Variants in CAMK1D observed in about 807,000 individuals in gnomAD.
The protein encoded by CAMK1D is calcium/calmodulin dependent protein kinase ID.
A neutral mutation model predicts 47.7 loss-of-function variants in CAMK1D; 9 were observed. The ratio of observed to expected loss-of-function variants is 0.19; its 90% CI spans 0.11 to 0.33. CAMK1D has a LOEUF of 0.33. CAMK1D is among the 10% of genes least tolerant of loss of function. CAMK1D has a pLI of 1.00. For synonymous variants in CAMK1D, 184 were observed against 184.9 expected (o/e 0.99, Z 0.04); for missense variants, 291 against 488.7 (o/e 0.60, Z 3.81).
intron 1 of CAMK1D, among the ~76,000 whole-genome samples, chr10:12,398,777 A>G (rs996463111): frequency 6.6e-6 from 1 of 150,710 alleles, no homozygotes; most frequent in Admixed American, 6.7e-5. Flanking sequence ...ATAAAAATCC[A>G]TAGAGTTTTT....
chr10:12,562,514 C>T (rs1332365335), intron 2 of CAMK1D, among the ~76,000 whole-genome samples: 1 of 152,192 alleles, frequency 6.6e-6, no homozygotes, highest in African/African-American at 2.4e-5. Flanking sequence ...AAAAAGTCCC[C>T]TGCTTAATAG....
In CAMK1D at chr10:12,734,434, ACACACACACATATGTG is replaced by A. The variant is rs1370405711; in HGVS notation, c.300-26513_300-26498del. Among the ~76,000 whole-genome samples, 10 of 35,456 alleles carry A rather than the reference ACACACACACATATGTG, an allele frequency of 2.8e-4. 1 individual carries two copies. The highest frequency in any genetic ancestry group is 0.01 in the Middle Eastern group (1 of 96). 23.3% of individuals were successfully genotyped at this position (35,456 alleles called of 152,430 possible). A position where few individuals can be genotyped will look rare whatever the true frequency, so the allele number is the denominator to read the frequency against. On this transcript the variant is annotated intron_variant, in intron 3 of 10. Coordinates refer to ENST00000619168, the MANE Select transcript of CAMK1D (RefSeq NM_153498.4). ...CACACACACACATGTATATATATATACACACACACATATGTGTATATATACACATACACATATGTGT... is the reference window on the plus strand; with the variant it reads ...CACACACACACATGTATATATATATATATATATACACATACACATATGTGT...
chr10:12,592,914 C>T (rs1456641389), intron 2 of CAMK1D, among the ~76,000 whole-genome samples: 1 of 152,190 alleles, frequency 6.6e-6, no homozygotes. Flanking sequence ...TCCTTTCTGC[C>T]TGGCTCCCTC....
chr10:12,563,559 T>A (rs1837013016), intron 2 of CAMK1D, among the ~76,000 whole-genome samples: 1 of 152,116 alleles, frequency 6.6e-6, no homozygotes. Context: ...TGTCTGGGCA[T>A]CCTTTAGGCC....
intron 1 of CAMK1D, among the ~76,000 whole-genome samples, chr10:12,524,800 A>G (rs1835565215): frequency 6.6e-6 from 1 of 152,172 alleles, no homozygotes; most frequent in Admixed American, 6.5e-5. Flanking sequence ...ATTTATCCAG[A>G]TATTTATCAT....
At chr10:12,447,093 G>C (rs1832945679) in intron 1 of CAMK1D, among the ~76,000 whole-genome samples, 1 of 151,852 alleles carries the variant, frequency 6.6e-6, no homozygotes, top group Non-Finnish European at 1.5e-5. Context: ...TTTCCACTGT[G>C]TCTCTCTCTC....
chr10:12,805,882 C>T (rs1052962926), intron 6 of CAMK1D, among the ~76,000 whole-genome samples: 2 of 152,212 alleles, frequency 1.3e-5, no homozygotes, highest in African/African-American at 4.8e-5. Context: ...AATGAGGCAT[C>T]ACCACCCTTG....
intron 1 of CAMK1D, among the ~76,000 whole-genome samples, chr10:12,392,745 G>C (rs775743647): frequency 6.6e-6 from 1 of 151,968 alleles, no homozygotes; most frequent in Non-Finnish European, 1.5e-5. Flanking sequence ...TAGATCTCTC[G>C]AACTTTTTCC....
chr10:12,819,233 A>G (rs998857520), intron 8 of CAMK1D, among the ~76,000 whole-genome samples: 1 of 152,220 alleles, frequency 6.6e-6, no homozygotes, highest in Non-Finnish European at 1.5e-5. Context: ...GTGCCACACC[A>G]TGAGAAGGCT....
intron 3 of CAMK1D, among the ~76,000 whole-genome samples, chr10:12,714,890 T>C (rs1406740467): frequency 6.6e-6 from 1 of 152,012 alleles, no homozygotes; most frequent in Non-Finnish European, 1.5e-5. Flanking sequence ...TATGTGATGT[T>C]TACTCGCATA....
rs529809575 is a variant in CAMK1D at position 12,416,669 on chromosome 10, C to T, written c.92+66759C>T. On this transcript the variant is annotated intron_variant, in intron 1 of 10. Coordinates refer to ENST00000619168, the MANE Select transcript of CAMK1D (RefSeq NM_153498.4). Reference sequence around the variant, plus strand: ...GTAAGGCCGGGGTCTTGCTGAGCACCGGAGGGAGGGCTCTGACTAGCACTG... The same window carrying T: ...GTAAGGCCGGGGTCTTGCTGAGCACTGGAGGGAGGGCTCTGACTAGCACTG... Among the ~76,000 whole-genome samples, 13 of 152,268 alleles carry T rather than the reference C, an allele frequency of 8.5e-5. 1 individual carries two copies. Among genetic ancestry groups the T allele is most frequent in the South Asian group, 4.1e-4 (2 of 4,820 alleles).
At chr10:12,494,062 G>C (rs1834465575) in intron 1 of CAMK1D, among the ~76,000 whole-genome samples, 1 of 152,204 alleles carries the variant, frequency 6.6e-6, no homozygotes, top group African/African-American at 2.4e-5. Flanking sequence ...AACATCTCTT[G>C]AGTGCAGTGC....
intron 1 of CAMK1D, among the ~76,000 whole-genome samples, chr10:12,495,089 ACTGTGAACTTCTGGG>A (rs1834497130): frequency 6.6e-6 from 1 of 152,234 alleles, no homozygotes; most frequent in Non-Finnish European, 1.5e-5. Flanking sequence ...AGAAAGGTGG[ACTGTGAACTTCTGGG>A]CTGTGAACTT....
intron 4 of CAMK1D, among the ~76,000 whole-genome samples, chr10:12,763,066 T>C (rs1836579989): frequency 1.3e-5 from 2 of 152,198 alleles, no homozygotes; most frequent in Admixed American, 1.3e-4. Context: ...GGAGATAATG[T>C]TTTTAATTAA....
intron 1 of CAMK1D, among the ~76,000 whole-genome samples, chr10:12,386,429 G>T (rs1030864929): frequency 6.8e-6 from 1 of 147,796 alleles, no homozygotes; most frequent in Non-Finnish European, 1.5e-5. Context: ...GCCACAAACT[G>T]ACAAACTCTG....
intron 2 of CAMK1D, among the ~76,000 whole-genome samples, chr10:12,561,524 C>T (rs1267428125): frequency 1.3e-5 from 2 of 152,032 alleles, no homozygotes; most frequent in Non-Finnish European, 1.5e-5. Context: ...TTGCTGCATA[C>T]CTACACTTTC....
intron 3 of CAMK1D, among the ~76,000 whole-genome samples, chr10:12,674,355 CACA>C (rs1284845061): frequency 1.3e-5 from 2 of 152,184 alleles, no homozygotes; most frequent in Non-Finnish European, 2.9e-5. Context: ...GGATCTAAAA[CACA>C]ACATTTTGGA....
At chr10:12,375,268 A>G (rs1838143427) in intron 1 of CAMK1D, among the ~76,000 whole-genome samples, 1 of 152,160 alleles carries the variant, frequency 6.6e-6, no homozygotes, top group Non-Finnish European at 1.5e-5. Context: ...GAGTAATGGA[A>G]TTGTCTCCAC....
At chr10:12,413,792 G>A (rs7069177) in intron 1 of CAMK1D, among the ~76,000 whole-genome samples, 82 of 152,194 alleles carry the variant, frequency 5.4e-4, no homozygotes, top group Non-Finnish European at 7.6e-4. Flanking sequence ...AAAAAAGTCT[G>A]TTAGCCATAT....
Sources: allele counts gnomAD v4.1 joint callset (sites outside exome capture counted in the v4.1 genomes callset), GRCh38; gene constraint gnomAD v4.1.1; transcripts MANE v1.5; gene names NCBI Gene and HGNC (gene_info 2026-07-23, HGNC 2026-07-21).